COL4A6: variants seen among roughly 807,000 people sequenced by gnomAD.
COL4A6 encodes collagen alpha-6(IV) chain.
Under a neutral mutation model 126.7 loss-of-function variants are expected in COL4A6, and 59 were observed. The ratio of observed to expected loss-of-function variants is 0.47; its 90% CI spans 0.38 to 0.58. The LOEUF is 0.58. Among genes scored for constraint, COL4A6 ranks in the 20% least tolerant of loss-of-function variants. The probability of loss-of-function intolerance (pLI) is 0.00; values close to 1 mark genes in which losing one functional copy is unlikely to be tolerated. For synonymous variants in COL4A6, 547 were observed against 496.6 expected (o/e 1.10, Z -1.35); for missense variants, 1,285 against 1,337.3 (o/e 0.96, Z 0.61).
At chrX:108,419,327 T>C (rs1163795058) in intron 2 of COL4A6, among the ~76,000 whole-genome samples, 1 of 111,947 alleles carries the variant, frequency 8.9e-6, no homozygotes, top group Non-Finnish European at 1.9e-5. Context: ...TTCTTATTTA[T>C]TTGAGTCTTA....
At chrX:108,333,099 G>A (rs1332990233) in intron 2 of COL4A6, among the ~76,000 whole-genome samples, 2 of 110,862 alleles carry the variant, frequency 1.8e-5, no homozygotes, top group African/African-American at 6.5e-5. Flanking sequence ...TTTCCTCAAT[G>A]AATATTCTTG....
At chrX:108,194,385 T>C in intron 16 of COL4A6, 149 bp downstream of exon 16, 1 of 537,065 alleles carries the variant, frequency 1.9e-6, no homozygotes, top group Non-Finnish European at 3.0e-6. Flanking sequence ...AGCAGCTTTG[T>C]GTGTTCAAAG....
intron 3 of COL4A6, among the ~76,000 whole-genome samples, chrX:108,279,175 C>G (rs1414347819): frequency 9.0e-6 from 1 of 111,388 alleles, no homozygotes; most frequent in Non-Finnish European, 1.9e-5. Context: ...ACTAAATGCT[C>G]CAATTAAAAG....
Position 108,204,397 on chromosome X carries a change from G to T in COL4A6, c.703C>A (p.Pro235Thr). 3.3e-6 allele frequency: 4 copies of T among 1,204,545 alleles called. No homozygotes were observed. Among genetic ancestry groups the T allele is most frequent in the Non-Finnish European group, 4.5e-6 (4 of 890,934 alleles). ...EKGVKGDVGL[P>T]GPAGPPPSTG... is the part of the protein sequence containing the mutation. ...GATGGTGGAGGTCCTGCTGGGCCAG[G>T]GAGGCCAACATCCCCCTGTAAGATC... Residue 235 changes from proline (P) to threonine (T), a missense_variant, in exon 12 of 45, where the codon CCT becomes ACT. Coordinates refer to ENST00000334504, the MANE Select transcript of COL4A6 (RefSeq NM_033641.4).
At chrX:108,395,167 A>G (rs961686726) in intron 2 of COL4A6, among the ~76,000 whole-genome samples, 3 of 111,520 alleles carry the variant, frequency 2.7e-5, no homozygotes, top group African/African-American at 9.8e-5. Context: ...CACTCAATGC[A>G]CTACTGAAAG....
At chrX:108,328,984 A>G (rs1162309170) in intron 2 of COL4A6, among the ~76,000 whole-genome samples, 1 of 112,070 alleles carries the variant, frequency 8.9e-6, no homozygotes, top group Middle Eastern at 4.2e-3. Context: ...ATACCACATG[A>G]TCTCATGTGT....
intron 2 of COL4A6, among the ~76,000 whole-genome samples, chrX:108,326,486 C>G (rs1224175132): frequency 8.9e-6 from 1 of 111,807 alleles, no homozygotes; most frequent in Non-Finnish European, 1.9e-5. Flanking sequence ...ATCCAAAGGA[C>G]CTAGCATAGC....
rs2034272228 is a variant in COL4A6, at chrX:108,170,674, G to A, written c.3428C>T (p.Pro1143Leu). Residue 1143 changes from proline to leucine, a missense_variant, in exon 35 of 45, where the codon CCA (proline) becomes CTA (leucine). Coordinates refer to ENST00000334504, the MANE Select transcript of COL4A6 (RefSeq NM_033641.4). ...VAGMRGEPGLPGSSGHQGAIG... is the reference protein window; with the variant it reads ...VAGMRGEPGLLGSSGHQGAIG... ...TGCCCCTTGGTGACCAGAAGAACCT[G>A]GAAGTCCTGGTTCTCCTCTCATGCC... 8.3e-7 allele frequency: 1 copy of A among 1,204,817 alleles called. No homozygotes were observed. The highest frequency in any genetic ancestry group is 2.3e-5 in the Admixed American group (1 of 44,142).
chrX:108,157,836 G>T (rs1246745708), intron 44 of COL4A6, among the ~76,000 whole-genome samples: 2 of 111,772 alleles, frequency 1.8e-5, no homozygotes, highest in Non-Finnish European at 3.8e-5. Context: ...ATGAGCTGGT[G>T]GTTTTCAGTT....
intron 2 of COL4A6, among the ~76,000 whole-genome samples, chrX:108,386,007 T>C (rs1272009823): frequency 9.0e-6 from 1 of 111,128 alleles, no homozygotes; most frequent in Non-Finnish European, 1.9e-5. Flanking sequence ...CTCAGAATGA[T>C]GGTTTCCAGC....
chrX:108,363,838 T>A (rs767340701), intron 2 of COL4A6, among the ~76,000 whole-genome samples: 60 of 111,701 alleles, frequency 5.4e-4, no homozygotes, highest in Non-Finnish European at 1.0e-3. Context: ...TATGCATAGT[T>A]AGGCATATTT....
chrX:108,159,590 G>T lies in COL4A6; in HGVS notation c.4684C>A (p.Gln1562Lys). The T allele has an allele frequency of 8.2e-7, 1 of 1,212,399 alleles. No individual in the cohort carries two copies. Among genetic ancestry groups the T allele is most frequent in the Non-Finnish European group, 1.1e-6 (1 of 895,612 alleles). ...CACACAGAGCAGCGGCTGATGTACT[G>T]GGGAATCTGGGTCTGGCTGACGGGC... is the stretch of plus-strand genomic sequence containing the variant. ...MMPVSQTQIP[Q>K]YISRCSVCEA... is the part of the protein sequence containing the mutation. Residue 1562 changes from glutamine (Q) to lysine (K), a missense_variant, in exon 44 of 45, where the codon CAG becomes AAG. Coordinates refer to ENST00000334504, the MANE Select transcript of COL4A6 (RefSeq NM_033641.4).
intron 3 of COL4A6, among the ~76,000 whole-genome samples, chrX:108,291,626 C>T (rs1297061019): frequency 9.0e-6 from 1 of 110,864 alleles, no homozygotes; most frequent in African/African-American, 3.3e-5. Flanking sequence ...GTATTTCCTT[C>T]AATTAAATTC....
intron 2 of COL4A6, among the ~76,000 whole-genome samples, chrX:108,421,175 A>G (rs183139051): frequency 8.9e-6 from 1 of 111,863 alleles, no homozygotes; most frequent in Admixed American, 9.5e-5. Context: ...TTTTGCCATG[A>G]TCTCTGTCCA....
chrX:108,183,316 A>C (rs2034742725), intron 23 of COL4A6, among the ~76,000 whole-genome samples: 1 of 112,379 alleles, frequency 8.9e-6, no homozygotes, highest in African/African-American at 3.2e-5. Context: ...CCAAGATTTT[A>C]ACATCCCAAT....
chrX:108,367,394 T>C (rs1232228212), intron 2 of COL4A6, among the ~76,000 whole-genome samples: 3 of 111,394 alleles, frequency 2.7e-5, no homozygotes, highest in Non-Finnish European at 5.7e-5. Flanking sequence ...ACTCTTACAC[T>C]TACTCTGAAA....
At chrX:108,242,953 A>G (rs183299154) in intron 3 of COL4A6, among the ~76,000 whole-genome samples, 1 of 111,917 alleles carries the variant, frequency 8.9e-6, no homozygotes, top group Admixed American at 9.5e-5. Flanking sequence ...GGCAAAATAA[A>G]GAAAGAAGAA....
chrX:108,211,635 T>G, intron 7 of COL4A6, 37 bp downstream of exon 7: 1 of 1,169,337 alleles, frequency 8.6e-7, no homozygotes. Flanking sequence ...GAACCCAGCT[T>G]ATAGCCTACT....
intron 2 of COL4A6, among the ~76,000 whole-genome samples, chrX:108,353,332 C>T (rs2039886544): frequency 8.9e-6 from 1 of 112,441 alleles, no homozygotes; most frequent in Non-Finnish European, 1.9e-5. Context: ...GTATACAGAA[C>T]ACCTCTTAGC....
Sources: allele counts gnomAD v4.1 joint callset (sites outside exome capture counted in the v4.1 genomes callset), GRCh38; gene constraint gnomAD v4.1.1; transcripts MANE v1.5; gene names NCBI Gene and HGNC (gene_info 2026-07-23, HGNC 2026-07-21).